DISC1: variants seen among roughly 807,000 people sequenced by gnomAD.
The protein encoded by DISC1 is DISC1 scaffold protein.
Under a neutral mutation model 84.5 loss-of-function variants are expected in DISC1, and 57 were observed. That is an observed-to-expected ratio of 0.67 (90% CI 0.55 to 0.84). The LOEUF is 0.84. Ranked by LOEUF, DISC1 falls within the 40% of genes least tolerant of loss-of-function variation. The pLI is 0.00. For missense variants in DISC1, 1,000 were observed against 1,057.8 expected (o/e 0.95, Z 0.76); for synonymous variants, 411 against 415.2 (o/e 0.99, Z 0.12).
Position 231,680,375 on chromosome 1 carries a change from A to C in DISC1, c.68-13451A>C, listed in dbSNP as rs371250883. ...TATTATAAATGCTTTCTTATATCTC[A>C]GACCCAGGTAAGTTACAGGTCATGC... is the stretch of plus-strand genomic sequence containing the variant. On this transcript the variant is annotated intron_variant, in intron 1 of 12. Transcript: ENST00000439617. 1.8e-4 allele frequency among the ~76,000 whole-genome samples: 28 copies of C among 152,332 alleles called. No homozygotes were observed. In the East Asian group the frequency reaches 4.8e-3, roughly 26 times the overall value.
At chr1:232,015,583 A>G (rs202174654) in intron 11 of DISC1, among the ~76,000 whole-genome samples, 1 of 152,104 alleles carries the variant, frequency 6.6e-6, no homozygotes, top group Non-Finnish European at 1.5e-5. Context: ...TTTCCCCACC[A>G]CTGGGCAGCC....
rs1560812 is a variant in DISC1, at chr1:231,636,773, C to T, written c.67+9839C>T. ...TTGGTATGAATTTATATTGACACTA[C>T]CTTTAAAATTTTATTCTGCTTTTTA... On this transcript the variant is annotated intron_variant, in intron 1 of 12. Coordinates refer to ENST00000439617, the MANE Select transcript of DISC1 (RefSeq NM_018662.3). 5.0e-3 allele frequency among the ~76,000 whole-genome samples: 768 copies of T among 152,180 alleles called. 13 individuals are homozygous for T. Among genetic ancestry groups the T allele is most frequent in the African/African-American group, 0.016 (682 of 41,510 alleles).
chr1:231,926,213 C>T (rs1395420203), intron 9 of DISC1, among the ~76,000 whole-genome samples: 2 of 152,112 alleles, frequency 1.3e-5, no homozygotes, highest in Non-Finnish European at 2.9e-5. Context: ...CTACATATCC[C>T]ATTTGTGGAT....
intron 8 of DISC1, 141 bp downstream of exon 8, chr1:231,800,351 C>T: frequency 1.4e-6 from 1 of 735,520 alleles, no homozygotes; most frequent in African/African-American, 1.7e-5. Context: ...GGAAGTTTCA[C>T]TAATATGCAC....
In DISC1 at chr1:231,863,310, G is replaced by A. The variant is rs138790224; in HGVS notation, c.1981+44793G>A. 2.1e-3 allele frequency among the ~76,000 whole-genome samples: 289 copies of A among 137,434 alleles called. 1 individual carries two copies. The highest frequency in any genetic ancestry group is 0.019 in the East Asian group (90 of 4,736). The allele number at this position is 137,434 out of a possible 152,430, so 90.2% of individuals were successfully genotyped here. On this transcript the variant is annotated intron_variant, in intron 9 of 12. Coordinates refer to ENST00000439617, the MANE Select transcript of DISC1 (RefSeq NM_018662.3). The stretch of plus-strand genomic sequence containing the variant: ...CTGTGGTGCGATCTTGGCTCACTGC[G>A]GTCTCTGCCTCCCAGGTTTAAGCAA...
intron 9 of DISC1, among the ~76,000 whole-genome samples, chr1:231,933,998 A>G (rs1005218634): frequency 2.0e-5 from 3 of 152,218 alleles, no homozygotes; most frequent in Non-Finnish European, 4.4e-5. Flanking sequence ...TAGGCCTTGA[A>G]GAGGAGGCTG....
chr1:231,788,984 T>G (rs948373950), intron 6 of DISC1, among the ~76,000 whole-genome samples: 10 of 150,122 alleles, frequency 6.7e-5, no homozygotes, highest in African/African-American at 2.4e-4. Context: ...ACCAAACACT[T>G]CAAGTACTTC....
chr1:231,788,562 C>T (rs1334857417), intron 6 of DISC1, among the ~76,000 whole-genome samples: 1 of 152,110 alleles, frequency 6.6e-6, no homozygotes, highest in Non-Finnish European at 1.5e-5. Context: ...GAGGTCAGGA[C>T]ATCAACATAC....
chr1:231,760,157 C>T (rs901524656), intron 4 of DISC1, among the ~76,000 whole-genome samples: 3 of 152,122 alleles, frequency 2.0e-5, no homozygotes, highest in African/African-American at 7.2e-5. Flanking sequence ...CTCCATGCTC[C>T]TTACTTTTTA....
At chr1:231,846,923 A>C (rs200736761) in intron 9 of DISC1, among the ~76,000 whole-genome samples, 1 of 152,190 alleles carries the variant, frequency 6.6e-6, no homozygotes, top group Non-Finnish European at 1.5e-5. Flanking sequence ...ATTTGGAGAG[A>C]GTTATAAAGG....
chr1:231,866,254 A>G (rs1257464049), intron 9 of DISC1, among the ~76,000 whole-genome samples: 3 of 152,190 alleles, frequency 2.0e-5, no homozygotes, highest in African/African-American at 7.2e-5. Flanking sequence ...CTAGAGAACC[A>G]GAAGATTTAA....
intron 9 of DISC1, among the ~76,000 whole-genome samples, chr1:231,823,080 C>G (rs1263161775): frequency 6.6e-6 from 1 of 152,144 alleles, no homozygotes; most frequent in Non-Finnish European, 1.5e-5. Context: ...ACTGAGATAT[C>G]GGTTTAACTC....
At chr1:231,887,391 G>A (rs974091551) in intron 9 of DISC1, among the ~76,000 whole-genome samples, 4 of 152,152 alleles carry the variant, frequency 2.6e-5, no homozygotes, top group African/African-American at 4.8e-5. Context: ...GTTATGTAGC[G>A]TTGACTTGTT....
chr1:231,871,949 G>A (rs1043653472), intron 9 of DISC1, among the ~76,000 whole-genome samples: 11 of 152,180 alleles, frequency 7.2e-5, no homozygotes, highest in African/African-American at 1.7e-4. Flanking sequence ...TTCACCTTCA[G>A]AGACTGGAGA....
rs141168480 is a variant in DISC1 at position 231,795,088 on chromosome 1, G to A, written c.1635-154G>A. 4.8e-3 allele frequency among the ~76,000 whole-genome samples: 734 copies of A among 152,226 alleles called. 6 individuals are homozygous for A. Among genetic ancestry groups the A allele is most frequent in the African/African-American group, 0.017 (718 of 41,538 alleles). On this transcript the variant is annotated intron_variant, in intron 6 of 12. Transcript: ENST00000439617. ...TGTTTCCTAGCACCATATTTATTCC[G>A]TAGTCAAATGGAGCCAATTTGGCAT...
At chr1:231,938,116 A>G (rs531291100) in intron 9 of DISC1, among the ~76,000 whole-genome samples, 1 of 152,242 alleles carries the variant, frequency 6.6e-6, no homozygotes, top group East Asian at 1.9e-4. Flanking sequence ...TGTGGTAGGC[A>G]GAATAATGAC....
chr1:231,755,671 A>G (rs1479190112), intron 4 of DISC1, among the ~76,000 whole-genome samples: 2 of 152,062 alleles, frequency 1.3e-5, no homozygotes, highest in Admixed American at 1.3e-4. Flanking sequence ...TCCTTCTCCT[A>G]TATCCCCAGT....
At chr1:232,026,146 G>A (rs931551277) in intron 11 of DISC1, among the ~76,000 whole-genome samples, 2 of 152,092 alleles carry the variant, frequency 1.3e-5, no homozygotes, top group Non-Finnish European at 2.9e-5. Flanking sequence ...AAGATTCAGG[G>A]TTTCTGTTTG....
intron 6 of DISC1, among the ~76,000 whole-genome samples, chr1:231,777,562 C>T (rs1467996090): frequency 1.3e-5 from 2 of 152,102 alleles, no homozygotes; most frequent in African/African-American, 2.4e-5. Context: ...CTCAGGAATT[C>T]ATGAGGCAGA....
Sources: gnomAD v4.1 joint callset for allele counts (sites outside exome capture counted in the v4.1 genomes callset) on GRCh38, gnomAD v4.1.1 for gene constraint, MANE v1.5 for transcripts, NCBI Gene and HGNC (gene_info 2026-07-23, HGNC 2026-07-21) for gene names.